SKAP1: variants seen among roughly 807,000 people sequenced by gnomAD.
The protein encoded by SKAP1 is src kinase associated phosphoprotein 1.
In SKAP1, 44 loss-of-function variants were observed where a neutral mutation model predicts 58.5. The observed-to-expected ratio is 0.75, with a 90% CI of 0.59 to 0.97. The LOEUF is 0.97. Ranked by LOEUF, SKAP1 falls within the 50% of genes least tolerant of loss-of-function variation. The pLI is 0.00. For missense variants in SKAP1, 390 were observed against 435.2 expected (o/e 0.90, Z 0.92); for synonymous variants, 127 against 149.7 (o/e 0.85, Z 1.11).
rs1002091469 is a variant in SKAP1, at chr17:48,170,799, G to A, written c.827-140C>T. 49 of 717,070 alleles carry A rather than the reference G, an allele frequency of 6.8e-5. No individual in the cohort carries two copies. In the Middle Eastern group the frequency reaches 1.1e-3, roughly 17 times the overall value. 44.4% of individuals were successfully genotyped at this position (717,070 alleles called of 1,614,324 possible). ...ATTTTCGGTTCACTGCAAATTCCAC[G>A]TCTGGGGTTCAAGGGATTCTCCTGC... is the stretch of plus-strand genomic sequence containing the variant. On this transcript the variant is annotated intron_variant, in intron 9 of 12. Coordinates refer to ENST00000336915, the MANE Select transcript of SKAP1 (RefSeq NM_003726.4).
At chr17:48,193,211 T>C (rs12944538) in intron 4 of SKAP1, among the ~76,000 whole-genome samples, 2 of 152,070 alleles carry the variant, frequency 1.3e-5, no homozygotes, top group Non-Finnish European at 2.9e-5. Context: ...CTGAATAGTT[T>C]TTTGTATTTT....
At chr17:48,256,004 G>A (rs1290542961) in intron 4 of SKAP1, among the ~76,000 whole-genome samples, 11 of 152,026 alleles carry the variant, frequency 7.2e-5, no homozygotes, top group South Asian at 2.1e-4. Flanking sequence ...TTTAGCAGCC[G>A]AAAGAGCAAA....
intron 4 of SKAP1, among the ~76,000 whole-genome samples, chr17:48,258,584 A>G (rs1276589480): frequency 6.6e-6 from 1 of 152,150 alleles, no homozygotes; most frequent in African/African-American, 2.4e-5. Context: ...TCTCTAGATG[A>G]GATTTTAAAA....
At position 48,424,256 on chromosome 17, in the gene SKAP1, C is replaced by T. The variant is rs1426178990; in HGVS notation, c.46+5819G>A. 1.2e-4 allele frequency among the ~76,000 whole-genome samples: 15 copies of T among 127,938 alleles called. 1 individual carries two copies. Among genetic ancestry groups the T allele is most frequent in the Non-Finnish European group, 2.1e-4 (13 of 63,330 alleles). The allele number at this position is 127,938 out of a possible 152,430, so 83.9% of individuals were successfully genotyped here. A position where few individuals can be genotyped will look rare whatever the true frequency, so the allele number is the denominator to read the frequency against. ...TTTTTTTTTTTTGAGAACGGAGTCT[C>T]GCTCTGTCACCCAGGCTGGAGTGCA... is the stretch of plus-strand genomic sequence containing the variant. On this transcript the variant is annotated intron_variant, in intron 1 of 12. Transcript: ENST00000336915.
intron 1 of SKAP1, among the ~76,000 whole-genome samples, chr17:48,424,196 G>A (rs372092229): frequency 6.6e-6 from 1 of 151,454 alleles, no homozygotes; most frequent in South Asian, 2.1e-4. Context: ...CATAGTGGAA[G>A]GAGTAAGGCA....
intron 11 of SKAP1, among the ~76,000 whole-genome samples, chr17:48,158,276 C>G (rs1380083680): frequency 7.3e-5 from 11 of 150,032 alleles, no homozygotes; most frequent in African/African-American, 2.7e-4. Context: ...GCCGGTTGCG[C>G]TGGCTCACGC....
At chr17:48,396,598 T>G in intron 2 of SKAP1, 82 bp downstream of exon 2, 1 of 879,100 alleles carries the variant, frequency 1.1e-6, no homozygotes, top group Non-Finnish European at 1.8e-6. Context: ...GATAGGTATG[T>G]CTTACCTTGT....
At chr17:48,375,110 A>G (rs1253477911) in intron 2 of SKAP1, among the ~76,000 whole-genome samples, 1 of 152,234 alleles carries the variant, frequency 6.6e-6, no homozygotes, top group East Asian at 1.9e-4. Flanking sequence ...ATAGGCATAT[A>G]ACTCAATTAT....
rs550295774 is a variant in SKAP1, at chr17:48,281,439, G to A, written c.280+64466C>T. On this transcript the variant is annotated intron_variant, in intron 4 of 12. Coordinates refer to ENST00000336915, the MANE Select transcript of SKAP1 (RefSeq NM_003726.4). ...GTTCTTCTCACTGCTCCTAGTGCCT[G>A]TGATGCTCTCCAAGTGGAGACTGCC... 5.3e-5 allele frequency among the ~76,000 whole-genome samples: 8 copies of A among 152,320 alleles called. No individual in the cohort carries two copies. In the South Asian group the frequency reaches 1.2e-3, roughly 24 times the overall value.
chr17:48,214,382 T>G (rs1033600441), intron 4 of SKAP1, among the ~76,000 whole-genome samples: 6 of 152,214 alleles, frequency 3.9e-5, no homozygotes, highest in African/African-American at 1.4e-4. Flanking sequence ...CTTCTTCATC[T>G]CCTCTAAAAC....
intron 2 of SKAP1, among the ~76,000 whole-genome samples, chr17:48,373,782 T>A (rs775340320): frequency 3.3e-5 from 5 of 152,182 alleles, no homozygotes; most frequent in Admixed American, 1.3e-4. Context: ...AAAAATGATA[T>A]GACCCACTGA....
chr17:48,438,968 T>C, the SKAP1 span, among the ~76,000 whole-genome samples: 1 of 152,000 alleles, frequency 6.6e-6, no homozygotes, highest in Non-Finnish European at 1.5e-5. Context: ...GATAAATAAG[T>C]GGAGAAATAG....
At chr17:48,167,740 G>A (rs1409922739) in intron 10 of SKAP1, among the ~76,000 whole-genome samples, 1 of 152,128 alleles carries the variant, frequency 6.6e-6, no homozygotes, top group African/African-American at 2.4e-5. Context: ...GGGATTTTAT[G>A]TATCTAAGGA....
At chr17:48,434,218 G>C (rs2067930794), upstream of SKAP1, among the ~76,000 whole-genome samples, 6 of 152,176 alleles carry the variant, frequency 3.9e-5, no homozygotes, top group South Asian at 8.3e-4. Context: ...ATGAGGCCAA[G>C]AGCTGCACAC....
chr17:48,354,303 C>T (rs1451757100), intron 3 of SKAP1, among the ~76,000 whole-genome samples: 2 of 152,204 alleles, frequency 1.3e-5, no homozygotes, highest in Non-Finnish European at 2.9e-5. Context: ...AAACCTCTCA[C>T]TGTCAAGAAT....
chr17:48,162,190 T>C lies in SKAP1; in HGVS notation c.978+279A>G, dbSNP rs940530010. ...CATGTTGCCCAGGCTGGTCTTGAAC[T>C]CCTGAGCTGAGGCAGTTCACCAGCC... is the stretch of plus-strand genomic sequence containing the variant. On this transcript the variant is annotated intron_variant, in intron 11 of 12. Transcript: ENST00000336915. 2.6e-5 allele frequency among the ~76,000 whole-genome samples: 4 copies of C among 152,174 alleles called. No homozygotes were observed. In the South Asian group the frequency reaches 6.2e-4, roughly 24 times the overall value.
At chr17:48,385,796 G>C (rs1163872396) in intron 2 of SKAP1, among the ~76,000 whole-genome samples, 2 of 152,212 alleles carry the variant, frequency 1.3e-5, no homozygotes, top group African/African-American at 2.4e-5. Context: ...ATATTGTGGG[G>C]TTTGGTTATA....
At chr17:48,198,968 T>C (rs529305943) in intron 4 of SKAP1, among the ~76,000 whole-genome samples, 1 of 152,356 alleles carries the variant, frequency 6.6e-6, no homozygotes, top group African/African-American at 2.4e-5. Flanking sequence ...ATTGTCTTTT[T>C]ACAAACCTTG....
chr17:48,204,744 G>A (rs1357652543), intron 4 of SKAP1, among the ~76,000 whole-genome samples: 1 of 152,156 alleles, frequency 6.6e-6, no homozygotes, highest in Admixed American at 6.5e-5. Flanking sequence ...GACATTGAGT[G>A]GGACTGCTGG....
Sources: allele counts gnomAD v4.1 joint callset (sites outside exome capture counted in the v4.1 genomes callset), GRCh38; gene constraint gnomAD v4.1.1; transcripts MANE v1.5; gene names NCBI Gene and HGNC (gene_info 2026-07-23, HGNC 2026-07-21).